EMB: variants seen among roughly 807,000 people sequenced by gnomAD.
EMB encodes embigin homolog.
EMB carries 31 observed loss-of-function variants against 41.4 expected under a neutral mutation model. That is an observed-to-expected ratio of 0.75 (90% confidence interval 0.56 to 1.01). The LOEUF is 1.01. Ranked by LOEUF, EMB falls within the 50% of genes least tolerant of loss-of-function variation. EMB has a pLI of 0.00. For missense variants in EMB, 379 were observed against 388.3 expected (o/e 0.98, Z 0.20); for synonymous variants, 137 against 140.4 (o/e 0.98, Z 0.17).
upstream of EMB, chr5:50,442,836 TCTGA>T (rs1209304099): frequency 1.3e-5 from 2 of 152,168 alleles, no homozygotes; most frequent in Admixed American, 6.5e-5. Flanking sequence ...CAAACTAAAC[TCTGA>T]CTGACTTTTC....
At chr5:50,435,679 T>C (rs1458406345) in intron 1 of EMB, among the ~76,000 whole-genome samples, 2 of 152,192 alleles carry the variant, frequency 1.3e-5, no homozygotes, top group Non-Finnish European at 2.9e-5. Flanking sequence ...TTCTCCACTA[T>C]AAAGTTACTC....
intron 2 of EMB, among the ~76,000 whole-genome samples, chr5:50,423,809 A>G (rs529980889): frequency 6.6e-6 from 1 of 152,200 alleles, no homozygotes; most frequent in Non-Finnish European, 1.5e-5. Flanking sequence ...AATAACGGAA[A>G]TCTTTGGGGA....
chr5:50,411,439 A>G (rs1033126453), intron 2 of EMB, 56 bp from the exon 3 acceptor site: 1 of 1,232,446 alleles, frequency 8.1e-7, no homozygotes, highest in Non-Finnish European at 1.1e-6. Flanking sequence ...AATCTAACAC[A>G]TAAAACCTTT....
intron 1 of EMB, among the ~76,000 whole-genome samples, chr5:50,437,559 A>G (rs1745825169): frequency 6.6e-6 from 1 of 152,222 alleles, no homozygotes; most frequent in Non-Finnish European, 1.5e-5. Flanking sequence ...GCAATCCACT[A>G]ATATCATTAT....
At chr5:50,425,709 T>C (rs1334482571) in intron 2 of EMB, among the ~76,000 whole-genome samples, 2 of 91,660 alleles carry the variant, frequency 2.2e-5, no homozygotes, top group Admixed American at 2.0e-4. Flanking sequence ...TTTCTTTATT[T>C]CTGGGGGGGC....
chr5:50,402,242 T>C, intron 7 of EMB, 44 bp downstream of exon 7: 1 of 1,576,664 alleles, frequency 6.3e-7, no homozygotes, highest in Non-Finnish European at 8.7e-7. Context: ...TGTTTCCCTG[T>C]ATTTTACCCA....
intron 7 of EMB, among the ~76,000 whole-genome samples, chr5:50,400,149 T>C (rs1362633825): frequency 1.3e-5 from 2 of 152,028 alleles, no homozygotes; most frequent in Non-Finnish European, 2.9e-5. Context: ...CAGGGAGAAT[T>C]GCTTCTCCCC....
At chr5:50,412,227 A>G (rs1745350024) in intron 2 of EMB, among the ~76,000 whole-genome samples, 1 of 125,940 alleles carries the variant, frequency 7.9e-6, no homozygotes, top group Non-Finnish European at 1.6e-5. Flanking sequence ...TGAAAACAAT[A>G]CACACACACA....
At chr5:50,435,529 C>G (rs1745790052) in intron 1 of EMB, among the ~76,000 whole-genome samples, 2 of 152,132 alleles carry the variant, frequency 1.3e-5, no homozygotes, top group African/African-American at 4.8e-5. Flanking sequence ...CAGTTCTGCT[C>G]TAATATGATT....
intron 2 of EMB, among the ~76,000 whole-genome samples, chr5:50,418,664 C>T (rs369167232): frequency 8.5e-5 from 13 of 152,146 alleles, no homozygotes; most frequent in African/African-American, 1.9e-4. Flanking sequence ...AAATATATCA[C>T]GTGCCTTTAT....
chr5:50,427,546 T>C (rs1047655049), intron 2 of EMB, among the ~76,000 whole-genome samples: 1 of 151,680 alleles, frequency 6.6e-6, no homozygotes, highest in African/African-American at 2.4e-5. Context: ...TCTCACTCTG[T>C]CCCCCAGGCT....
At chr5:50,432,120 T>C (rs1212623527) in intron 1 of EMB, among the ~76,000 whole-genome samples, 2 of 152,184 alleles carry the variant, frequency 1.3e-5, no homozygotes, top group African/African-American at 4.8e-5. Context: ...TAAGTAACAC[T>C]AGAAAACTGC....
At chr5:50,425,068 A>C (rs1351754294) in intron 2 of EMB, among the ~76,000 whole-genome samples, 1 of 152,148 alleles carries the variant, frequency 6.6e-6, no homozygotes, top group Non-Finnish European at 1.5e-5. Flanking sequence ...CACTTGCAGC[A>C]TTGGAGTCAT....
At chr5:50,410,493 C>G (rs145157593) in intron 4 of EMB, among the ~76,000 whole-genome samples, 2,238 of 152,152 alleles carry the variant, frequency 0.015, 45 homozygotes, top group African/African-American at 0.052. Flanking sequence ...TGTCCTGGAG[C>G]TATGGATATA....
chr5:50,428,485 C>T (rs1277630613), intron 1 of EMB: 2 of 1,106,560 alleles, frequency 1.8e-6, no homozygotes, highest in African/African-American at 1.6e-5. Flanking sequence ...TAAATAACGC[C>T]TTCCATTTTT....
intron 2 of EMB, among the ~76,000 whole-genome samples, chr5:50,420,014 C>T (rs756147839): frequency 9.3e-5 from 13 of 139,848 alleles, no homozygotes; most frequent in Non-Finnish European, 2.0e-4. Context: ...GAACAACACA[C>T]ATAGGGGCTT....
At position 50,414,713 on chromosome 5, in the gene EMB, G is replaced by C. The variant is rs183336766; in HGVS notation, c.197-3330C>G. On this transcript the variant is annotated intron_variant, in intron 2 of 8. Coordinates refer to ENST00000303221, the MANE Select transcript of EMB (RefSeq NM_198449.3). ...TGTAAAATTGCAAAATTGCTGAATT[G>C]AATTTAATGCTCAAAAAGAAAAATA... 2.0e-3 allele frequency among the ~76,000 whole-genome samples: 305 copies of C among 152,194 alleles called. 1 individual carries two copies. Among genetic ancestry groups the C allele is most frequent in the Admixed American group, 3.7e-3 (56 of 15,274 alleles).
At chr5:50,414,625 T>C (rs1344468122) in intron 2 of EMB, among the ~76,000 whole-genome samples, 2 of 152,076 alleles carry the variant, frequency 1.3e-5, no homozygotes, top group East Asian at 3.8e-4. Context: ...GATGCAAGGT[T>C]TGCAGATAGT....
chr5:50,420,777 T>A (rs1263743389), intron 2 of EMB, among the ~76,000 whole-genome samples: 1 of 152,180 alleles, frequency 6.6e-6, no homozygotes, highest in Admixed American at 6.5e-5. Flanking sequence ...ACTTAAAACA[T>A]GAATCACTTC....
Sources: gnomAD v4.1 joint callset for allele counts (sites outside exome capture counted in the v4.1 genomes callset) on GRCh38, gnomAD v4.1.1 for gene constraint, MANE v1.5 for transcripts, NCBI Gene and HGNC (gene_info 2026-07-23, HGNC 2026-07-21) for gene names.